Variants in MKNK1 observed in about 807,000 individuals in gnomAD.
MKNK1 encodes the protein MAP kinase-interacting serine/threonine-protein kinase 1.
MKNK1 carries 30 observed loss-of-function variants against 49.3 expected under a neutral mutation model. The observed-to-expected ratio is 0.61, with a 90% confidence interval of 0.46 to 0.83. The LOEUF is 0.83. Among genes scored for constraint, MKNK1 ranks in the 40% least tolerant of loss-of-function variants. MKNK1 has a pLI of 0.00. For synonymous variants in MKNK1, 176 were observed against 201.7 expected (o/e 0.87, Z 1.08); for missense variants, 423 against 524.7 (o/e 0.81, Z 1.89).
chr1:46,564,334 C>T (rs1195281120), intron 9 of MKNK1, among the ~76,000 whole-genome samples: 3 of 151,958 alleles, frequency 2.0e-5, no homozygotes, highest in Non-Finnish European at 4.4e-5. Flanking sequence ...AAGGGGGCTG[C>T]GCTGTGCCTT....
chr1:46,567,901 G>C (rs993892905), intron 8 of MKNK1, among the ~76,000 whole-genome samples: 5 of 152,190 alleles, frequency 3.3e-5, no homozygotes, highest in African/African-American at 1.2e-4. Context: ...CAGGTGGACT[G>C]CTTGAGCTCA....
At chr1:46,596,454 C>G (rs2148766911) in intron 1 of MKNK1, among the ~76,000 whole-genome samples, 1 of 152,256 alleles carries the variant, frequency 6.6e-6, no homozygotes, top group East Asian at 1.9e-4. Flanking sequence ...AACCCTTGGC[C>G]TACAGTAGAA....
chr1:46,585,048 C>T (rs532487947), intron 2 of MKNK1, among the ~76,000 whole-genome samples: 39 of 151,792 alleles, frequency 2.6e-4, no homozygotes, highest in Non-Finnish European at 3.5e-4. Flanking sequence ...GTCAGAAGTT[C>T]GAGACCATCG....
At chr1:46,601,866 G>A (rs993069572) in intron 1 of MKNK1, among the ~76,000 whole-genome samples, 6 of 152,178 alleles carry the variant, frequency 3.9e-5, no homozygotes, top group Non-Finnish European at 7.3e-5. Flanking sequence ...TGCCACCCAC[G>A]TACTCAGAGT....
intron 10 of MKNK1, among the ~76,000 whole-genome samples, chr1:46,562,041 G>A (rs1023531071): frequency 2.0e-5 from 3 of 152,082 alleles, no homozygotes; most frequent in Non-Finnish European, 2.9e-5. Context: ...ATCTATGCCC[G>A]TGCTGTTCCT....
intron 2 of MKNK1, 63 bp from the exon 3 acceptor site, chr1:46,583,392 A>T: frequency 7.7e-7 from 1 of 1,296,420 alleles, no homozygotes; most frequent in Non-Finnish European, 1.1e-6. Context: ...AAATTTACCC[A>T]GAAGGAAAAA....
chr1:46,566,815 C>G lies in MKNK1; in HGVS notation c.513+1628G>C, dbSNP rs141105663. On this transcript the variant is annotated intron_variant, in intron 8 of 12. Coordinates refer to ENST00000371945, the MANE Select transcript of MKNK1 (RefSeq NM_001135553.4). ...AGAAATGTCTGTTCAAGTCCCGTGT[C>G]CATTTTTAAATTGGTTTGTCTTTTT... is the stretch of plus-strand genomic sequence containing the variant. 5.3e-3 allele frequency among the ~76,000 whole-genome samples: 801 copies of G among 152,192 alleles called. 9 individuals carry two copies. The highest frequency in any genetic ancestry group is 0.031 in the Admixed American group (478 of 15,276).
intron 8 of MKNK1, among the ~76,000 whole-genome samples, chr1:46,566,849 G>A (rs1669154531): frequency 1.3e-5 from 2 of 152,188 alleles, no homozygotes; most frequent in South Asian, 4.1e-4. Flanking sequence ...TTGTTGTAGA[G>A]TTTTAGGAAT....
intron 2 of MKNK1, among the ~76,000 whole-genome samples, chr1:46,588,416 T>C (rs1035276962): frequency 6.6e-6 from 1 of 152,266 alleles, no homozygotes; most frequent in Non-Finnish European, 1.5e-5. Context: ...AAATTCAACA[T>C]TCAGTGATGA....
At chr1:46,571,037 T>C (rs549144708) in intron 7 of MKNK1, among the ~76,000 whole-genome samples, 1 of 152,290 alleles carries the variant, frequency 6.6e-6, no homozygotes, top group African/African-American at 2.4e-5. Flanking sequence ...TTTTCCAGGG[T>C]ACTGCTGTTA....
At chr1:46,599,012 A>C (rs1310517500) in intron 1 of MKNK1, among the ~76,000 whole-genome samples, 2 of 152,202 alleles carry the variant, frequency 1.3e-5, no homozygotes, top group Non-Finnish European at 2.9e-5. Flanking sequence ...GAGCTAATGT[A>C]TATGGAGCTC....
intron 2 of MKNK1, chr1:46,586,228 G>T: frequency 3.4e-6 from 1 of 294,676 alleles, no homozygotes; most frequent in Non-Finnish European, 6.8e-6. Flanking sequence ...CTGCACCTTG[G>T]CTCACCTGCT....
rs1469129743 is a variant in MKNK1 at position 46,589,858 on chromosome 1, G to A, written c.-3+4255C>T. Among the ~76,000 whole-genome samples the A allele has an allele frequency of 6.6e-6, 1 of 152,104 alleles. No homozygotes were observed. Among genetic ancestry groups the A allele is most frequent in the African/African-American group, 2.4e-5 (1 of 41,414 alleles). On this transcript the variant is annotated intron_variant, in intron 2 of 12. Coordinates refer to ENST00000371945, the MANE Select transcript of MKNK1 (RefSeq NM_001135553.4). The surrounding 1 kb of genome is among the most constrained non-coding windows in gnomAD (Gnocchi z 4.3). ...AGCCACATTGTCCCCAAAGGAACCAGATCTGTACTCCAAATTTTGAAGAGC... is the reference window on the plus strand; with the variant it reads ...AGCCACATTGTCCCCAAAGGAACCAAATCTGTACTCCAAATTTTGAAGAGC...
intron 3 of MKNK1, among the ~76,000 whole-genome samples, chr1:46,582,242 C>T (rs1671856293): frequency 6.6e-6 from 1 of 152,094 alleles, no homozygotes; most frequent in Non-Finnish European, 1.5e-5. Context: ...GAGTTAAAGG[C>T]AAACAAAAAA....
intron 2 of MKNK1, among the ~76,000 whole-genome samples, chr1:46,586,859 T>C (rs1672645693): frequency 6.6e-6 from 1 of 152,222 alleles, no homozygotes; most frequent in Non-Finnish European, 1.5e-5. Context: ...TCACCCAAGC[T>C]GGAATGCAGT....
At chr1:46,595,606 A>T (rs1286787473) in intron 1 of MKNK1, among the ~76,000 whole-genome samples, 1 of 152,140 alleles carries the variant, frequency 6.6e-6, no homozygotes, top group Non-Finnish European at 1.5e-5. Context: ...TTAACATCCA[A>T]TAAAGATGTT....
intron 11 of MKNK1, among the ~76,000 whole-genome samples, chr1:46,561,036 T>C (rs1437565057): frequency 6.6e-6 from 1 of 152,212 alleles, no homozygotes; most frequent in Non-Finnish European, 1.5e-5. Context: ...ATCATTTGCC[T>C]TTCAGGCCAG....
intron 2 of MKNK1, among the ~76,000 whole-genome samples, chr1:46,587,149 T>C (rs1419390703): frequency 6.6e-6 from 1 of 152,212 alleles, no homozygotes; most frequent in East Asian, 1.9e-4. Flanking sequence ...GTTCTTGCTA[T>C]AGGATTGGGC....
chr1:46,560,492 C>T (rs915059840), intron 11 of MKNK1, among the ~76,000 whole-genome samples: 2 of 152,158 alleles, frequency 1.3e-5, no homozygotes, highest in Admixed American at 1.3e-4. Context: ...GCATGGAGAG[C>T]CCCTCTTTCC....
Sources: allele counts gnomAD v4.1 joint callset (sites outside exome capture counted in the v4.1 genomes callset), GRCh38; gene constraint gnomAD v4.1.1; non-coding constraint Gnocchi (gnomAD v3.1); transcripts MANE v1.5; gene names NCBI Gene and HGNC (gene_info 2026-07-23, HGNC 2026-07-21).